Variants in NOTCH1 observed in about 807,000 individuals in gnomAD.
NOTCH1 encodes the protein neurogenic locus notch homolog protein 1.
A neutral mutation model predicts 254.8 loss-of-function variants in NOTCH1; 37 were observed. The ratio of observed to expected loss-of-function variants is 0.15; its 90% confidence interval spans 0.11 to 0.19. The LOEUF is 0.19. Among genes scored for constraint, NOTCH1 ranks in the 10% least tolerant of loss-of-function variants. NOTCH1 has a pLI of 1.00. For synonymous variants in NOTCH1, 1,731 were observed against 1,618.1 expected (o/e 1.07, Z -1.68); for missense variants, 2,972 against 3,708.6 (o/e 0.80, Z 5.16).
Position 136,545,934 on chromosome 9 carries a change from T to A in NOTCH1, c.-148A>T. 1 of 246,908 alleles carries A rather than the reference T, an allele frequency of 4.1e-6. No homozygotes were observed. The highest frequency in any genetic ancestry group is 6.9e-6 in the Non-Finnish European group (1 of 144,152). The allele number at this position is 246,908 out of a possible 1,614,324, so 15.3% of individuals were successfully genotyped here. ...CCGGCTGGCTGGCGGCGCTGTGCTC[T>A]CGCAGGCCCCCGGGCCCGGCTCCGC... On this transcript the variant is annotated 5_prime_UTR_variant, in exon 1 of 34. Coordinates refer to ENST00000651671, the MANE Select transcript of NOTCH1 (RefSeq NM_017617.5). This position sits in a 1 kb window ranked among gnomAD's most constrained non-coding sequence, Gnocchi z 6.8.
intron 31 of NOTCH1, among the ~76,000 whole-genome samples, chr9:136,500,228 A>C (rs1842974961): frequency 6.6e-6 from 1 of 152,206 alleles, no homozygotes; most frequent in African/African-American, 2.4e-5. Flanking sequence ...GGGCTGCAGC[A>C]GTGGAACCTG....
chr9:136,521,422 CT>C (rs1843364766), intron 4 of NOTCH1, among the ~76,000 whole-genome samples: 2 of 152,148 alleles, frequency 1.3e-5, no homozygotes, highest in Non-Finnish European at 2.9e-5. Context: ...CCCAGCACCC[CT>C]GGCATCTCTG....
rs757508359 is a variant in NOTCH1, at chr9:136,506,947, C to T, written c.3670G>A (p.Asp1224Asn). 9.9e-6 allele frequency: 16 copies of T among 1,609,936 alleles called. No individual in the cohort carries two copies. The highest frequency in any genetic ancestry group is 3.3e-5 in the South Asian group (3 of 90,684). ...ACGGGGTCAACGGGGGGATTGCAGT[C>T]GTCCACGTTGATCTCACAGTGCACA... ...QGVHCEINVD[D>N]CNPPVDPVSR... The change falls in exon 23 of 34, where the codon GAC becomes AAC. Residue 1224 changes from aspartate (D) to asparagine (N), a missense_variant. This residue lies in a region of NOTCH1 where 1,343 missense variants were observed against 1,557.0 expected (regional missense o/e 0.86). Coordinates refer to ENST00000651671, the MANE Select transcript of NOTCH1 (RefSeq NM_017617.5). The surrounding 1 kb of genome is among the most constrained non-coding windows in gnomAD (Gnocchi z 4.5).
intron 2 of NOTCH1, among the ~76,000 whole-genome samples, chr9:136,533,495 G>A (rs746778664): frequency 4.6e-5 from 7 of 152,234 alleles, no homozygotes; most frequent in Non-Finnish European, 7.3e-5. Context: ...TCTGTCCCCC[G>A]GCTGCGGGGA....
chr9:136,532,252 G>A (rs1380119600), intron 2 of NOTCH1, among the ~76,000 whole-genome samples: 2 of 152,332 alleles, frequency 1.3e-5, no homozygotes, highest in South Asian at 2.1e-4. Context: ...TGTGGGGAAA[G>A]TTGGGGATTC....
rs371417726 is a variant in NOTCH1 at position 136,503,788 on chromosome 9, T to C, written c.5019-458A>G. On this transcript the variant is annotated intron_variant, in intron 26 of 33. Coordinates refer to ENST00000651671, the MANE Select transcript of NOTCH1 (RefSeq NM_017617.5). ...TCTGCTCCCCAGGACTGGGTTCCCG[T>C]GAGCAGGATCCCATCCAGCCTGTGA... Among the ~76,000 whole-genome samples, 9 of 152,206 alleles carry C rather than the reference T, an allele frequency of 5.9e-5. No individual in the cohort carries two copies. The East Asian group carries it at 1.7e-3, about 29-fold the overall frequency.
intron 2 of NOTCH1, among the ~76,000 whole-genome samples, chr9:136,537,643 A>T (rs1372886304): frequency 6.6e-6 from 1 of 152,226 alleles, no homozygotes; most frequent in Non-Finnish European, 1.5e-5. Flanking sequence ...AAAAAAATTT[A>T]AAATTAGCTA....
At position 136,544,101 on chromosome 9, in the gene NOTCH1, G is replaced by A. The variant is rs2133406291; in HGVS notation, c.63C>T (p.Gly21=). ...TCTCACCGGGCTGGGAGCATCGCGG[G>A]CCTAGGCAGGGGCAGGAGAAGAGAG... is the stretch of plus-strand genomic sequence containing the variant. ...LALLPALAAR[G]PRCSQPGETC... The change falls in exon 2 of 34, where the codon GGC becomes GGT. Residue 21 remains glycine, a splice_region_variant and synonymous_variant. Coordinates refer to ENST00000651671, the MANE Select transcript of NOTCH1 (RefSeq NM_017617.5). 1 of 1,571,208 alleles carries A rather than the reference G, an allele frequency of 6.4e-7. No homozygotes were observed. Among genetic ancestry groups the A allele is most frequent in the Non-Finnish European group, 8.6e-7 (1 of 1,159,304 alleles).
In NOTCH1 at chr9:136,497,649, A is replaced by T. The variant is rs1011032338; in HGVS notation, c.6181-91T>A. On this transcript the variant is annotated intron_variant, in intron 33 of 33. Transcript: ENST00000651671. ...CCATCACCAGAGGAAGCAGCAGTAC[A>T]ACCTCCTCCGCGGGGTGGGGGCAGG... 33 of 1,164,238 alleles carry T rather than the reference A, an allele frequency of 2.8e-5. No individual in the cohort carries two copies. In the African/African-American group the frequency reaches 4.9e-4, roughly 17 times the overall value. The allele number at this position is 1,164,238 out of a possible 1,614,324, so 72.1% of individuals were successfully genotyped here. A position where few individuals can be genotyped will look rare whatever the true frequency, so the allele number is the denominator to read the frequency against.
intron 2 of NOTCH1, among the ~76,000 whole-genome samples, chr9:136,526,339 C>T (rs1167011403): frequency 6.6e-6 from 1 of 152,210 alleles, no homozygotes; most frequent in Non-Finnish European, 1.5e-5. Flanking sequence ...GGAGAAAAGG[C>T]CCTTTTTGCT....
rs889627091 is a variant in NOTCH1, at chr9:136,540,330, G to A, written c.140+3694C>T. Among the ~76,000 whole-genome samples the A allele has an allele frequency of 1.3e-5, 2 of 152,144 alleles. No individual in the cohort carries two copies. Among genetic ancestry groups the A allele is most frequent in the Non-Finnish European group, 2.9e-5 (2 of 68,028 alleles). On this transcript the variant is annotated intron_variant, in intron 2 of 33. Coordinates refer to ENST00000651671, the MANE Select transcript of NOTCH1 (RefSeq NM_017617.5). This position sits in a 1 kb window ranked among gnomAD's most constrained non-coding sequence, Gnocchi z 4.4. ...CGCTCAAACGTGTCTGTGAACTGGAGCCACCCTGGGAGATGGACTTCCCCG... is the reference window on the plus strand; with the variant it reads ...CGCTCAAACGTGTCTGTGAACTGGAACCACCCTGGGAGATGGACTTCCCCG...
chr9:136,520,931 C>A (rs1266324368), intron 4 of NOTCH1, among the ~76,000 whole-genome samples: 1 of 152,170 alleles, frequency 6.6e-6, no homozygotes, highest in Non-Finnish European at 1.5e-5. Flanking sequence ...CCCAGCTGGA[C>A]CCTCTGCGAC....
intron 4 of NOTCH1, 179 bp downstream of exon 4, chr9:136,522,671 C>T (rs895681882): frequency 3.5e-5 from 22 of 631,284 alleles, no homozygotes; most frequent in African/African-American, 3.4e-4. Flanking sequence ...CAGCGCACAC[C>T]CCGCTCCAGA....
chr9:136,511,104 C>T, intron 16 of NOTCH1, 48 bp downstream of exon 16: 1 of 1,612,558 alleles, frequency 6.2e-7, no homozygotes, highest in Non-Finnish European at 8.5e-7. Context: ...GTCCCGCAGA[C>T]ATCCTGACCT....
chr9:136,529,058 C>A (rs1315516932), intron 2 of NOTCH1, among the ~76,000 whole-genome samples: 1 of 152,298 alleles, frequency 6.6e-6, no homozygotes, highest in East Asian at 1.9e-4. Flanking sequence ...GGCACCCCCA[C>A]GCCCTCCCCA....
rs745469129 is a variant in NOTCH1 at position 136,507,456 on chromosome 9, G to A, written c.3511-19C>T. The A allele has an allele frequency of 8.2e-6, 13 of 1,592,446 alleles. No individual in the cohort carries two copies. In the East Asian group the frequency reaches 9.1e-5, roughly 11 times the overall value. ...CCACGCACTGTGCAGGCGACAGAAC[G>A]AGGGGCCCTTCGGCTCAGCCGGCGC... On this transcript the variant is annotated intron_variant, in intron 21 of 33. Coordinates refer to ENST00000651671, the MANE Select transcript of NOTCH1 (RefSeq NM_017617.5).
At chr9:136,536,306 G>A (rs1401456768) in intron 2 of NOTCH1, among the ~76,000 whole-genome samples, 4 of 152,174 alleles carry the variant, frequency 2.6e-5, no homozygotes, top group Admixed American at 2.0e-4. Context: ...CGTCCCAAGG[G>A]CAACTTGGAG....
chr9:136,543,532 C>T (rs1843763565), intron 2 of NOTCH1: 1 of 312,744 alleles, frequency 3.2e-6, no homozygotes, highest in Admixed American at 5.0e-5. Context: ...GTGGCATCAC[C>T]TGTGCCAGAG....
In NOTCH1 at chr9:136,498,922, T is replaced by G. The variant is rs1474607963; in HGVS notation, c.6157A>C (p.Asn2053His). 1 of 1,613,752 alleles carries G rather than the reference T, an allele frequency of 6.2e-7. No individual in the cohort carries two copies. Among genetic ancestry groups the G allele is most frequent in the East Asian group, 2.2e-5 (1 of 44,886 alleles). ...AAVVLLKNGA[N>H]KDMQNNREET... The stretch of plus-strand genomic sequence containing the variant: ...ACCCTGTTGTTCTGCATATCTTTGT[T>G]AGCCCCGTTCTTCAGGAGCACAACT... The change falls in exon 33 of 34, where the codon AAC becomes CAC. Residue 2053 changes from asparagine to histidine, a missense_variant. By Grantham distance (68) the Asn-to-His change is moderately conservative. Transcript: ENST00000651671.
Sources: allele counts gnomAD v4.1 joint callset (sites outside exome capture counted in the v4.1 genomes callset), GRCh38; gene constraint gnomAD v4.1.1; regional missense constraint gnomAD v4.1.1; non-coding constraint Gnocchi (gnomAD v3.1); transcripts MANE v1.5; gene names NCBI Gene and HGNC (gene_info 2026-07-23, HGNC 2026-07-21).